The following CD109 variants were observed in gnomAD, a reference collection of about 807,000 sequenced individuals.
The protein encoded by CD109 is CD109 molecule.
CD109 carries 149 observed loss-of-function variants against 165.8 expected under a neutral mutation model. The observed-to-expected ratio is 0.90, with a 90% CI of 0.79 to 1.03. The LOEUF (loss-of-function observed/expected upper bound fraction) is 1.03. CD109 is among the 50% of genes least tolerant of loss of function. The pLI is 0.00. For synonymous variants in CD109, 585 were observed against 592.1 expected (o/e 0.99, Z 0.18); for missense variants, 1,712 against 1,677.8 (o/e 1.02, Z -0.36).
At chr6:73,747,111 G>A (rs1420263823) in intron 5 of CD109, among the ~76,000 whole-genome samples, 3 of 152,122 alleles carry the variant, frequency 2.0e-5, no homozygotes, top group Non-Finnish European at 4.4e-5. Context: ...CCAATATCCC[G>A]ATTTCTGCCT....
intron 5 of CD109, among the ~76,000 whole-genome samples, chr6:73,755,732 G>A (rs1773363995): frequency 6.6e-6 from 1 of 151,958 alleles, no homozygotes; most frequent in Non-Finnish European, 1.5e-5. Context: ...GGAGGCTGAG[G>A]TGTGATTGCT....
At position 73,807,035 on chromosome 6, in the gene CD109, A is replaced by G; in HGVS notation, c.3152A>G (p.Tyr1051Cys). ...GNKSPVTLTA[Y>C]IVTSLLGYRK... is the part of the protein sequence containing the mutation. Reference sequence around the variant, plus strand: ...AAAAGTCCAGTAACACTTACAGCCTATATTGTAACTTCTCTCCTGGGATAT... The same window carrying G: ...AAAAGTCCAGTAACACTTACAGCCTGTATTGTAACTTCTCTCCTGGGATAT... The change falls in exon 25 of 33, where the codon TAT becomes TGT. Residue 1051 changes from tyrosine (Y) to cysteine (C), a missense_variant. Tyr to Cys is a radical substitution (Grantham distance 194). Coordinates refer to ENST00000287097, the MANE Select transcript of CD109 (RefSeq NM_133493.5). 3.1e-6 allele frequency: 5 copies of G among 1,613,634 alleles called. No homozygotes were observed. The highest frequency in any genetic ancestry group is 4.2e-6 in the Non-Finnish European group (5 of 1,179,632).
At chr6:73,799,931 A>G (rs1775304648) in intron 23 of CD109, among the ~76,000 whole-genome samples, 1 of 147,882 alleles carries the variant, frequency 6.8e-6, no homozygotes, top group Admixed American at 6.8e-5. Context: ...ATCATGGTTC[A>G]CTGCAGCCTT....
chr6:73,703,011 C>G (rs1016464922), intron 2 of CD109, among the ~76,000 whole-genome samples: 2 of 152,132 alleles, frequency 1.3e-5, no homozygotes, highest in Non-Finnish European at 2.9e-5. Flanking sequence ...GTGCCAAGGA[C>G]TTTATGCACT....
chr6:73,729,322 A>G (rs565316879), intron 3 of CD109, among the ~76,000 whole-genome samples: 13 of 150,642 alleles, frequency 8.6e-5, no homozygotes, highest in African/African-American at 3.2e-4. Flanking sequence ...ATATTTTAAA[A>G]TTACCACATC....
chr6:73,747,871 ATTTC>A (rs1773036909), intron 5 of CD109, among the ~76,000 whole-genome samples: 2 of 150,456 alleles, frequency 1.3e-5, no homozygotes, highest in South Asian at 2.1e-4. Context: ...AAATAAATAT[ATTTC>A]TTTCTTTCTT....
chr6:73,779,098 C>T (rs1377880887), intron 15 of CD109, among the ~76,000 whole-genome samples: 1 of 152,106 alleles, frequency 6.6e-6, no homozygotes, highest in Admixed American at 6.5e-5. Context: ...CCCCACAGCC[C>T]TTGGGAACCT....
chr6:73,720,695 A>G (rs536678824), intron 2 of CD109, among the ~76,000 whole-genome samples: 53 of 152,356 alleles, frequency 3.5e-4, no homozygotes, highest in Admixed American at 1.5e-3. Context: ...TTATGTGCAC[A>G]TTAAACCCAT....
At chr6:73,717,776 C>T (rs1019413844) in intron 2 of CD109, among the ~76,000 whole-genome samples, 8 of 151,710 alleles carry the variant, frequency 5.3e-5, no homozygotes, top group South Asian at 2.1e-4. Context: ...CCTGCAACCA[C>T]GCCCGGCTAA....
At chr6:73,724,292 G>T (rs965518887) in intron 3 of CD109, among the ~76,000 whole-genome samples, 1 of 152,200 alleles carries the variant, frequency 6.6e-6, no homozygotes, top group Non-Finnish European at 1.5e-5. Context: ...GAAATGAGAT[G>T]TGGAAGTGTT....
intron 2 of CD109, among the ~76,000 whole-genome samples, chr6:73,708,754 G>A (rs556252782): frequency 5.3e-5 from 8 of 152,198 alleles, no homozygotes; most frequent in African/African-American, 1.9e-4. Flanking sequence ...GGCCAGTGAT[G>A]ATGAGCATTT....
In CD109 at chr6:73,781,268, C is replaced by T. The variant is rs1263132820; in HGVS notation, c.1912C>T (p.Leu638Phe). The change falls in exon 17 of 33, where the codon CTC (leucine) becomes TTC (phenylalanine). Residue 638 changes from leucine to phenylalanine, a missense_variant. Transcript: ENST00000287097. The stretch of plus-strand genomic sequence containing the variant: ...AAATTATTCTTTTTAGGAATGTGGA[C>T]TCTGGGTATTGACAGATGCAAACCT... ...NSFAVFQECG[L>F]WVLTDANLTK... 11 of 1,611,892 alleles carry T rather than the reference C, an allele frequency of 6.8e-6. No individual in the cohort carries two copies. The highest frequency in any genetic ancestry group is 1.7e-4 in the Middle Eastern group (1 of 6,052).
intron 5 of CD109, among the ~76,000 whole-genome samples, chr6:73,741,903 T>C (rs908337292): frequency 2.6e-5 from 4 of 152,228 alleles, no homozygotes; most frequent in Admixed American, 2.0e-4. Context: ...ACTCCTGACC[T>C]CAGGTGATTC....
chr6:73,710,772 A>G (rs529513168), intron 2 of CD109, among the ~76,000 whole-genome samples: 2 of 152,300 alleles, frequency 1.3e-5, no homozygotes, highest in South Asian at 4.1e-4. Context: ...AAAGAGAGCC[A>G]CAGGGGTCGG....
At chr6:73,737,508 A>G (rs1055998897) in intron 5 of CD109, among the ~76,000 whole-genome samples, 7 of 152,218 alleles carry the variant, frequency 4.6e-5, no homozygotes, top group African/African-American at 1.7e-4. Context: ...ATTTGAGGCA[A>G]TATTATGAAA....
At chr6:73,748,487 A>C (rs142212110) in intron 5 of CD109, among the ~76,000 whole-genome samples, 2 of 152,330 alleles carry the variant, frequency 1.3e-5, no homozygotes, top group East Asian at 3.9e-4. Context: ...TTTGTAATAC[A>C]TACTCACATA....
chr6:73,814,563 T>C (rs1056878408), intron 29 of CD109, among the ~76,000 whole-genome samples: 4 of 152,156 alleles, frequency 2.6e-5, no homozygotes, highest in African/African-American at 9.7e-5. Flanking sequence ...CTCTTCAATG[T>C]TTTAGTTTTG....
intron 24 of CD109, 83 bp downstream of exon 24, chr6:73,803,384 T>C: frequency 1.1e-6 from 1 of 918,040 alleles, no homozygotes; most frequent in South Asian, 1.4e-5. Context: ...TTGACAGATA[T>C]ATCTCTATAT....
chr6:73,715,911 TCCCTAA>T (rs372795687), intron 2 of CD109, among the ~76,000 whole-genome samples: 1 of 152,304 alleles, frequency 6.6e-6, no homozygotes, highest in East Asian at 1.9e-4. Flanking sequence ...CCTCACTTGC[TCCCTAA>T]CCCTTCACTA....
Sources: gnomAD v4.1 joint callset for allele counts (sites outside exome capture counted in the v4.1 genomes callset) on GRCh38, gnomAD v4.1.1 for gene constraint, MANE v1.5 for transcripts, NCBI Gene and HGNC (gene_info 2026-07-23, HGNC 2026-07-21) for gene names.